The following GLRA3 variants were observed in gnomAD, a reference collection of about 807,000 sequenced individuals.
The protein encoded by GLRA3 is glycine receptor alpha 3.
Under a neutral mutation model 60.4 loss-of-function variants are expected in GLRA3, and 44 were observed. The ratio of observed to expected loss-of-function variants is 0.73; its 90% CI spans 0.57 to 0.94. The LOEUF (loss-of-function observed/expected upper bound fraction) is 0.94, where lower values mean the gene tolerates loss of function less well. Ranked by LOEUF, GLRA3 falls within the 40% of genes least tolerant of loss-of-function variation. GLRA3 has a pLI of 0.00. For synonymous variants in GLRA3, 223 were observed against 192.9 expected, an observed-to-expected ratio of 1.16 and a Z score of -1.29; for missense variants, 508 against 564.6, an observed-to-expected ratio of 0.90 and a Z score of 1.02.
intron 3 of GLRA3, among the ~76,000 whole-genome samples, chr4:174,755,697 G>A (rs962876761): frequency 1.3e-5 from 2 of 151,918 alleles, no homozygotes; most frequent in Admixed American, 1.3e-4. Flanking sequence ...AATATAAAGA[G>A]ATATTATAGA....
intron 5 of GLRA3, among the ~76,000 whole-genome samples, chr4:174,704,180 A>G (rs1173896602): frequency 7.0e-6 from 1 of 143,038 alleles, no homozygotes; most frequent in East Asian, 2.3e-4. Flanking sequence ...CTGTAGTCCC[A>G]GCTACTTGGG....
In GLRA3 at chr4:174,641,414, C is replaced by G. The variant is rs1429766699; in HGVS notation, c.*2372G>C. The stretch of plus-strand genomic sequence containing the variant: ...AAGAGTTCGAAGGAGGAGACACATT[C>G]CTTTAAACATATTGGATTCAGCCAC... On this transcript the variant is annotated 3_prime_UTR_variant, in exon 10 of 10. Transcript: ENST00000274093. 1 of 151,994 alleles carries G rather than the reference C, an allele frequency of 6.6e-6. No individual in the cohort carries two copies. Among genetic ancestry groups the G allele is most frequent in the Admixed American group, 6.6e-5 (1 of 15,220 alleles). 9.4% of individuals were successfully genotyped at this position (151,994 alleles called of 1,614,324 possible). A position where few individuals can be genotyped will look rare whatever the true frequency, so the allele number is the denominator to read the frequency against.
intron 2 of GLRA3, among the ~76,000 whole-genome samples, chr4:174,773,630 CAT>C (rs1266246206): frequency 6.6e-6 from 1 of 152,156 alleles, no homozygotes; most frequent in Admixed American, 6.5e-5. Flanking sequence ...AATGCACACA[CAT>C]GTCACAAGGA....
chr4:174,803,821 C>T (rs10520293), intron 1 of GLRA3, among the ~76,000 whole-genome samples: 11,092 of 152,154 alleles, frequency 0.073, 559 homozygotes, highest in South Asian at 0.11. Context: ...TCAGCAAAGA[C>T]TGAGCACCAT....
chr4:174,793,783 G>A (rs1238149819), intron 1 of GLRA3, among the ~76,000 whole-genome samples: 1 of 151,950 alleles, frequency 6.6e-6, no homozygotes, highest in East Asian at 1.9e-4. Flanking sequence ...TATTCTAAGT[G>A]ACTGTTATTC....
intron 3 of GLRA3, among the ~76,000 whole-genome samples, chr4:174,761,143 C>T (rs1003757464): frequency 6.6e-6 from 1 of 151,626 alleles, no homozygotes; most frequent in African/African-American, 2.4e-5. Flanking sequence ...ACTTATAATC[C>T]ATGCATCTTG....
intron 8 of GLRA3, among the ~76,000 whole-genome samples, chr4:174,657,050 A>G (rs6826282): frequency 0.12 from 18,811 of 152,166 alleles, 2,058 homozygotes; most frequent in African/African-American, 0.29. Flanking sequence ...AGAAAATAAT[A>G]AGATATGATT....
intron 5 of GLRA3, among the ~76,000 whole-genome samples, chr4:174,700,204 G>A (rs1450189334): frequency 6.6e-6 from 1 of 152,106 alleles, no homozygotes; most frequent in Non-Finnish European, 1.5e-5. Context: ...CTTTACTGCA[G>A]GCATAGCTTG....
chr4:174,729,804 A>T (rs1736484103), intron 3 of GLRA3, among the ~76,000 whole-genome samples: 1 of 152,212 alleles, frequency 6.6e-6, no homozygotes, highest in Non-Finnish European at 1.5e-5. Flanking sequence ...GAAGATACTC[A>T]CAAGAACTGA....
intron 2 of GLRA3, among the ~76,000 whole-genome samples, chr4:174,770,956 A>G (rs1025202009): frequency 6.6e-6 from 1 of 151,868 alleles, no homozygotes; most frequent in Non-Finnish European, 1.5e-5. Context: ...ACTGGAAACC[A>G]TCATTCTCAG....
intron 7 of GLRA3, among the ~76,000 whole-genome samples, chr4:174,668,122 C>G (rs79507950): frequency 6.6e-6 from 1 of 152,110 alleles, no homozygotes; most frequent in Non-Finnish European, 1.5e-5. Context: ...GTGCTTACTT[C>G]CCCTTCACCT....
At chr4:174,682,269 C>G (rs1000430332) in intron 6 of GLRA3, among the ~76,000 whole-genome samples, 1 of 152,118 alleles carries the variant, frequency 6.6e-6, no homozygotes, top group Non-Finnish European at 1.5e-5. Flanking sequence ...GTACAAATAT[C>G]ACATTGAGTC....
intron 2 of GLRA3, among the ~76,000 whole-genome samples, chr4:174,770,292 G>C (rs533606016): frequency 6.6e-6 from 1 of 152,008 alleles, no homozygotes; most frequent in African/African-American, 2.4e-5. Flanking sequence ...ATGTTACTTG[G>C]TATGGCATGC....
chr4:174,759,392 G>C (rs1737852806), intron 3 of GLRA3, among the ~76,000 whole-genome samples: 1 of 151,966 alleles, frequency 6.6e-6, no homozygotes, highest in East Asian at 1.9e-4. Context: ...AAATCTAAAA[G>C]ATATGCAAGA....
Position 174,773,405 on chromosome 4 carries a change from C to T in GLRA3, c.200-6375G>A, listed in dbSNP as rs140869597. Among the ~76,000 whole-genome samples the T allele has an allele frequency of 6.4e-3, 960 of 151,120 alleles. 3 individuals carry two copies. The highest frequency in any genetic ancestry group is 9.1e-3 in the African/African-American group (374 of 41,140). On this transcript the variant is annotated intron_variant, in intron 2 of 9. Transcript: ENST00000274093. Reference sequence around the variant, plus strand: ...AAAGTACAATGCAAAATCTTGGCAACGATATTATTGTTATTCATATTGGGG... The same window carrying T: ...AAAGTACAATGCAAAATCTTGGCAATGATATTATTGTTATTCATATTGGGG...
At position 174,643,681 on chromosome 4, in the gene GLRA3, A is replaced by C; in HGVS notation, c.*105T>G. The stretch of plus-strand genomic sequence containing the variant: ...GCTTTTCCATATGCCATTTTAATAC[A>C]ATGGTCATCATTTGTATACCACACG... On this transcript the variant is annotated 3_prime_UTR_variant, in exon 10 of 10. Coordinates refer to ENST00000274093, the MANE Select transcript of GLRA3 (RefSeq NM_006529.4). 1 of 1,441,570 alleles carries C rather than the reference A, an allele frequency of 6.9e-7. No individual in the cohort carries two copies. The highest frequency in any genetic ancestry group is 2.4e-5 in the Admixed American group (1 of 42,262). 89.3% of individuals were successfully genotyped at this position (1,441,570 alleles called of 1,614,324 possible).
At chr4:174,685,685 T>C (rs571298795) in intron 5 of GLRA3, among the ~76,000 whole-genome samples, 1 of 152,330 alleles carries the variant, frequency 6.6e-6, no homozygotes, top group Admixed American at 6.5e-5. Context: ...GCTTTCACTT[T>C]CATTCATAAA....
rs191480759 is a variant in GLRA3, at chr4:174,642,844, T to G, written c.*942A>C. On this transcript the variant is annotated 3_prime_UTR_variant, in exon 10 of 10. Transcript: ENST00000274093. ...CATTTTGTTTTCATTGTATTCATTT[T>G]TATCAAAATGTAAATACTTTAATCC... is the stretch of plus-strand genomic sequence containing the variant. The G allele has an allele frequency of 7.8e-3, 5,878 of 752,066 alleles. 18 individuals carry two copies. The highest frequency in any genetic ancestry group is 8.9e-3 in the Non-Finnish European group (5,480 of 617,402). The allele number at this position is 752,066 out of a possible 1,614,324, so 46.6% of individuals were successfully genotyped here.
intron 2 of GLRA3, among the ~76,000 whole-genome samples, chr4:174,779,839 G>C (rs1255046355): frequency 6.6e-6 from 1 of 151,946 alleles, no homozygotes; most frequent in African/African-American, 2.4e-5. Flanking sequence ...ACGTCTGATT[G>C]GTGTACCTGA....
Sources: allele counts gnomAD v4.1 joint callset (sites outside exome capture counted in the v4.1 genomes callset), GRCh38; gene constraint gnomAD v4.1.1; transcripts MANE v1.5; gene names NCBI Gene and HGNC (gene_info 2026-07-23, HGNC 2026-07-21).